SBK1: variants seen among roughly 807,000 people sequenced by gnomAD.
The protein encoded by SBK1 is SH3 domain binding kinase 1.
Under a neutral mutation model 24.4 loss-of-function variants are expected in SBK1, and 11 were observed. The observed-to-expected ratio is 0.45, with a 90% CI of 0.28 to 0.75. The LOEUF is 0.75. Ranked by LOEUF, SBK1 falls within the 30% of genes least tolerant of loss-of-function variation. The probability of loss-of-function intolerance (pLI) is 0.12; values close to 1 mark genes in which losing one functional copy is unlikely to be tolerated. For missense variants in SBK1, 467 were observed against 620.5 expected, an observed-to-expected ratio of 0.75 and a Z score of 2.63; for synonymous variants, 308 against 284.4, an observed-to-expected ratio of 1.08 and a Z score of -0.83.
At chr16:28,281,170 AT>A (rs1197009582) in intron 1 of SBK1, among the ~76,000 whole-genome samples, 2 of 152,036 alleles carry the variant, frequency 1.3e-5, no homozygotes, top group Admixed American at 6.5e-5. Flanking sequence ...AGCCACTAGG[AT>A]TTGAGCCATC....
intron 1 of SBK1, among the ~76,000 whole-genome samples, chr16:28,268,437 T>G (rs1382915117): frequency 1.3e-5 from 2 of 151,302 alleles, no homozygotes; most frequent in African/African-American, 4.9e-5. Context: ...TTTTTTTTTT[T>G]GTAAAGATGG....
Position 28,319,931 on chromosome 16 carries a change from C to T in SBK1, c.430-145C>T. The T allele has an allele frequency of 1.1e-5, 8 of 716,890 alleles. No individual in the cohort carries two copies. The highest frequency in any genetic ancestry group is 6.7e-5 in the South Asian group (3 of 44,912). 44.4% of individuals were successfully genotyped at this position (716,890 alleles called of 1,614,324 possible). On this transcript the variant is annotated intron_variant, in intron 3 of 3. Coordinates refer to ENST00000341901, the MANE Select transcript of SBK1 (RefSeq NM_001024401.3). This position sits in a 1 kb window ranked among gnomAD's most constrained non-coding sequence, Gnocchi z 4.0. Reference sequence around the variant, plus strand: ...GGGGGAAAGGGCGCTCAGCAGCATCCGGGCCGCGTCTGCGCGGTCGCCCCA... The same window carrying T: ...GGGGGAAAGGGCGCTCAGCAGCATCTGGGCCGCGTCTGCGCGGTCGCCCCA...
chr16:28,310,758 G>C (rs1220326243), intron 1 of SBK1, among the ~76,000 whole-genome samples: 1 of 152,144 alleles, frequency 6.6e-6, no homozygotes, highest in African/African-American at 2.4e-5. Context: ...AGAACGGCCA[G>C]GCAGGTGGTA....
At chr16:28,280,147 ATATG>A (rs1374443852) in intron 1 of SBK1, among the ~76,000 whole-genome samples, 13 of 48,366 alleles carry the variant, frequency 2.7e-4, no homozygotes, top group Admixed American at 8.1e-4. Flanking sequence ...ATATATATAT[ATATG>A]TGTGTGTGTG....
intron 1 of SBK1, among the ~76,000 whole-genome samples, chr16:28,314,344 T>G (rs1412226916): frequency 1.3e-5 from 2 of 149,070 alleles, no homozygotes; most frequent in Non-Finnish European, 3.0e-5. Context: ...TTTTTTTTTT[T>G]TGTGGAGACA....
intron 1 of SBK1, among the ~76,000 whole-genome samples, chr16:28,314,136 T>C (rs941645960): frequency 2.3e-5 from 3 of 132,044 alleles, no homozygotes; most frequent in African/African-American, 7.8e-5. Flanking sequence ...TTGTTGTTGT[T>C]GTCGTTATTA....
intron 1 of SBK1, among the ~76,000 whole-genome samples, chr16:28,275,637 T>C (rs999793168): frequency 6.6e-6 from 1 of 151,958 alleles, no homozygotes; most frequent in Non-Finnish European, 1.5e-5. Context: ...TCCAGCACTT[T>C]GAGAGGCCAA....
At chr16:28,274,685 T>C (rs1320534413) in intron 1 of SBK1, among the ~76,000 whole-genome samples, 1 of 151,964 alleles carries the variant, frequency 6.6e-6, no homozygotes, top group Non-Finnish European at 1.5e-5. Flanking sequence ...TGCTCAATTG[T>C]TCTGTAAGCC....
intron 1 of SBK1, among the ~76,000 whole-genome samples, chr16:28,316,711 T>G (rs1354149870): frequency 6.6e-6 from 1 of 152,014 alleles, no homozygotes; most frequent in African/African-American, 2.4e-5. Context: ...AACTAAAAAT[T>G]AAAATAAATA....
intron 1 of SBK1, among the ~76,000 whole-genome samples, chr16:28,305,353 C>T (rs1596550484): frequency 1.3e-5 from 2 of 152,196 alleles, no homozygotes; most frequent in South Asian, 2.1e-4. Flanking sequence ...GCTGGGATTA[C>T]AGGTGTGTGC....
rs151336464 is a variant in SBK1, at chr16:28,284,398, C to T, written c.257+24896C>T. On this transcript the variant is annotated intron_variant, in intron 1 of 3. Coordinates refer to the SBK1 transcript ENST00000671413. ...CTCCTTCTGGGAAGTCCAGGGGATG[C>T]CCCCTGCTCCCCCAGCACACACCCC... is the stretch of plus-strand genomic sequence containing the variant. Among the ~76,000 whole-genome samples, 381 of 152,346 alleles carry T rather than the reference C, an allele frequency of 2.5e-3. 1 individual carries two copies. Among genetic ancestry groups the T allele is most frequent in the African/African-American group, 8.7e-3 (360 of 41,576 alleles).
At chr16:28,280,797 T>C (rs561134881) in intron 1 of SBK1, among the ~76,000 whole-genome samples, 1 of 152,270 alleles carries the variant, frequency 6.6e-6, no homozygotes, top group Admixed American at 6.5e-5. Flanking sequence ...CCTGAGTAAC[T>C]GGGATTATAG....
intron 1 of SBK1, among the ~76,000 whole-genome samples, chr16:28,267,014 C>T (rs2044433396): frequency 6.6e-6 from 1 of 152,062 alleles, no homozygotes; most frequent in African/African-American, 2.4e-5. Flanking sequence ...TCAATCGATT[C>T]TCCTGCCTCA....
At chr16:28,293,860 C>G (rs1402429899) in intron 1 of SBK1, among the ~76,000 whole-genome samples, 2 of 152,150 alleles carry the variant, frequency 1.3e-5, no homozygotes, top group Admixed American at 6.5e-5. Context: ...CTGCCCGACC[C>G]AGGCCACACT....
chr16:28,320,745 C>A lies in SBK1; in HGVS notation c.1099C>A (p.Pro367Thr). ...GAGCGGCAGCGGCTCCCGGCCCGCG[C>A]CCCCCGCCGTCGGGTCGGTGCCCTT... is the stretch of plus-strand genomic sequence containing the variant. ...TESGSGSRPA[P>T]PAVGSVPLPV... is the part of the protein sequence containing the mutation. Residue 367 changes from proline to threonine, a missense_variant, in exon 4 of 4, where the codon CCC (proline) becomes ACC (threonine). Pro to Thr is a conservative substitution (Grantham distance 38, BLOSUM62 -1). Coordinates refer to ENST00000341901, the MANE Select transcript of SBK1 (RefSeq NM_001024401.3). This position sits in a 1 kb window ranked among gnomAD's most constrained non-coding sequence, Gnocchi z 8.5. 8.2e-7 allele frequency: 1 copy of A among 1,220,626 alleles called. No homozygotes were observed. Among genetic ancestry groups the A allele is most frequent in the Non-Finnish European group, 1.0e-6 (1 of 972,482 alleles). The allele number at this position is 1,220,626 out of a possible 1,614,324, so 75.6% of individuals were successfully genotyped here. A position where few individuals can be genotyped will look rare whatever the true frequency, so the allele number is the denominator to read the frequency against.
chr16:28,260,393 G>T (rs1488967407), intron 1 of SBK1, among the ~76,000 whole-genome samples: 1 of 152,202 alleles, frequency 6.6e-6, no homozygotes, highest in African/African-American at 2.4e-5. Flanking sequence ...GATCTGCAAG[G>T]GAGACAGGGG....
At chr16:28,283,985 A>C (rs13337602) in intron 1 of SBK1, among the ~76,000 whole-genome samples, 4,495 of 152,240 alleles carry the variant, frequency 0.03, 238 homozygotes, top group African/African-American at 0.1. Flanking sequence ...CAGAGTATCA[A>C]TACCCCAGCT....
chr16:28,261,673 T>C (rs988947437), intron 1 of SBK1, among the ~76,000 whole-genome samples: 1 of 152,112 alleles, frequency 6.6e-6, no homozygotes, highest in African/African-American at 2.4e-5. Context: ...CTGAGTTGAA[T>C]TGTTAAAAAA....
intron 1 of SBK1, among the ~76,000 whole-genome samples, chr16:28,264,066 C>T (rs1188694253): frequency 6.6e-6 from 1 of 151,892 alleles, no homozygotes; most frequent in Non-Finnish European, 1.5e-5. Flanking sequence ...GAGTTTGAGG[C>T]TGCAGTGAGC....
Sources: gnomAD v4.1 joint callset for allele counts (sites outside exome capture counted in the v4.1 genomes callset) on GRCh38, gnomAD v4.1.1 for gene constraint, Gnocchi (gnomAD v3.1) non-coding constraint, MANE v1.5 for transcripts, NCBI Gene and HGNC (gene_info 2026-07-23, HGNC 2026-07-21) for gene names.